The following ATP8A2 variants were observed in gnomAD, a reference collection of about 807,000 sequenced individuals.
ATP8A2 encodes the protein ATPase phospholipid transporting 8A2, also known as phospholipid-transporting ATPase IB.
In ATP8A2, 100 loss-of-function variants were observed where a neutral mutation model predicts 165.6. That is an observed-to-expected ratio of 0.60 (90% CI 0.51 to 0.71). The LOEUF is 0.71. Ranked by LOEUF, ATP8A2 falls within the 30% of genes least tolerant of loss-of-function variation. ATP8A2 has a pLI of 0.00. For synonymous variants in ATP8A2, 543 were observed against 548.8 expected, an observed-to-expected ratio of 0.99 and a Z score of 0.15; for missense variants, 1,227 against 1,479.5, an observed-to-expected ratio of 0.83 and a Z score of 2.80.
At chr13:25,713,339 A>G (rs2137990138) in intron 25 of ATP8A2, among the ~76,000 whole-genome samples, 1 of 152,246 alleles carries the variant, frequency 6.6e-6, no homozygotes, top group South Asian at 2.1e-4. Flanking sequence ...AGAATTTTTC[A>G]CCAGTTTATA....
In ATP8A2 at chr13:25,443,046, T is replaced by C. The variant is rs187067710; in HGVS notation, c.77-25931T>C. ...AATAGTTGCACAATTTTTTGAACTT[T>C]GATGAAGTCCAATTTGTCTATTTTT... On this transcript the variant is annotated intron_variant, in intron 1 of 36. Transcript: ENST00000381655. Among the ~76,000 whole-genome samples the C allele has an allele frequency of 1.4e-4, 21 of 152,360 alleles. No homozygotes were observed. The East Asian group carries it at 1.5e-3, about 11-fold the overall frequency.
chr13:25,489,638 G>A (rs187716734), intron 2 of ATP8A2, among the ~76,000 whole-genome samples: 2 of 152,298 alleles, frequency 1.3e-5, no homozygotes, highest in African/African-American at 4.8e-5. Context: ...CTTTGCTGAA[G>A]GACTGCGCTC....
chr13:25,380,130 A>G (rs141970339), intron 1 of ATP8A2, among the ~76,000 whole-genome samples: 1 of 152,302 alleles, frequency 6.6e-6, no homozygotes, highest in Non-Finnish European at 1.5e-5. Flanking sequence ...GCCTGAACCC[A>G]TGCAGCATCA....
At chr13:25,849,275 G>C (rs1197750745) in intron 30 of ATP8A2, among the ~76,000 whole-genome samples, 1 of 152,156 alleles carries the variant, frequency 6.6e-6, no homozygotes, top group Non-Finnish European at 1.5e-5. Flanking sequence ...TAAATCAAAA[G>C]TATACATGTA....
intron 27 of ATP8A2, among the ~76,000 whole-genome samples, chr13:25,807,492 A>G (rs765299607): frequency 2.0e-5 from 3 of 152,222 alleles, no homozygotes; most frequent in Non-Finnish European, 4.4e-5. Context: ...TCAATTGACT[A>G]AAACAGAGAG....
At chr13:25,486,331 G>A (rs2036351792) in intron 2 of ATP8A2, among the ~76,000 whole-genome samples, 1 of 152,092 alleles carries the variant, frequency 6.6e-6, no homozygotes, top group African/African-American at 2.4e-5. Flanking sequence ...TATTTTAGAA[G>A]AGTAGATTAT....
chr13:25,564,227 TAC>T (rs2039247190), intron 16 of ATP8A2, among the ~76,000 whole-genome samples, 196 bp downstream of exon 16: 1 of 152,232 alleles, frequency 6.6e-6, no homozygotes, highest in South Asian at 2.1e-4. Flanking sequence ...TGTATTTAAA[TAC>T]TTGGTGATTT....
At chr13:25,882,452 C>T (rs1019421625) in intron 33 of ATP8A2, among the ~76,000 whole-genome samples, 5 of 152,090 alleles carry the variant, frequency 3.3e-5, no homozygotes, top group African/African-American at 9.7e-5. Context: ...ATAACCTGTT[C>T]GCATCCACTT....
intron 2 of ATP8A2, among the ~76,000 whole-genome samples, chr13:25,486,528 A>C (rs1361901898): frequency 6.6e-6 from 1 of 152,206 alleles, no homozygotes; most frequent in Non-Finnish European, 1.5e-5. Context: ...TTGAGATACA[A>C]CCATTAGAAA....
chr13:25,727,659 T>C (rs1566082134), intron 25 of ATP8A2, among the ~76,000 whole-genome samples: 1 of 152,122 alleles, frequency 6.6e-6, no homozygotes, highest in Non-Finnish European at 1.5e-5. Context: ...CCAAAACACA[T>C]GGGATGTTTT....
At chr13:25,813,105 G>A (rs940285513) in intron 27 of ATP8A2, among the ~76,000 whole-genome samples, 1 of 152,050 alleles carries the variant, frequency 6.6e-6, no homozygotes, top group African/African-American at 2.4e-5. Context: ...GCTAAGGCAC[G>A]CTGGACTTAA....
intron 33 of ATP8A2, among the ~76,000 whole-genome samples, chr13:25,929,738 G>A (rs924651117): frequency 6.6e-6 from 1 of 152,016 alleles, no homozygotes; most frequent in Non-Finnish European, 1.5e-5. Context: ...CCTCGACAAT[G>A]GCTGGAGCCC....
intron 1 of ATP8A2, among the ~76,000 whole-genome samples, chr13:25,395,277 A>G (rs1042573091): frequency 1.3e-5 from 2 of 151,956 alleles, no homozygotes; most frequent in Non-Finnish European, 2.9e-5. Context: ...CTTAGTTACC[A>G]AAGCCAGAGA....
intron 24 of ATP8A2, among the ~76,000 whole-genome samples, chr13:25,626,481 G>A (rs879351929): frequency 8.5e-5 from 13 of 152,104 alleles, no homozygotes; most frequent in African/African-American, 1.9e-4. Context: ...ACCTCCTGAA[G>A]CCTCCATGTC....
intron 1 of ATP8A2, among the ~76,000 whole-genome samples, chr13:25,448,682 C>T (rs762075887): frequency 1.1e-3 from 171 of 152,100 alleles, no homozygotes; most frequent in Non-Finnish European, 1.8e-3. Flanking sequence ...CAGAGTCTCA[C>T]TCTGTTACCC....
chr13:25,944,195 C>T (rs186959050), intron 33 of ATP8A2, among the ~76,000 whole-genome samples: 1 of 152,102 alleles, frequency 6.6e-6, no homozygotes, highest in Non-Finnish European at 1.5e-5. Flanking sequence ...TTCAGTAAAG[C>T]CATTGTCTGT....
chr13:25,538,775 C>T (rs567948094), intron 7 of ATP8A2, among the ~76,000 whole-genome samples: 5 of 152,220 alleles, frequency 3.3e-5, no homozygotes, highest in African/African-American at 7.2e-5. Flanking sequence ...AATCATAGAT[C>T]GGCATGCTGT....
At chr13:25,895,981 C>T (rs1212031352) in intron 33 of ATP8A2, among the ~76,000 whole-genome samples, 6 of 152,124 alleles carry the variant, frequency 3.9e-5, no homozygotes, top group Non-Finnish European at 8.8e-5. Flanking sequence ...TTTCAAAAAA[C>T]CAGCTCCTGG....
chr13:25,862,848 T>A (rs1036889977), intron 33 of ATP8A2, among the ~76,000 whole-genome samples: 2 of 152,208 alleles, frequency 1.3e-5, no homozygotes, highest in African/African-American at 2.4e-5. Flanking sequence ...ATCTAACAGC[T>A]CTATGAACCA....
Sources: gnomAD v4.1 joint callset for allele counts (sites outside exome capture counted in the v4.1 genomes callset) on GRCh38, gnomAD v4.1.1 for gene constraint, MANE v1.5 for transcripts, NCBI Gene and HGNC (gene_info 2026-07-23, HGNC 2026-07-21) for gene names.